ZFP1: variants seen among roughly 807,000 people sequenced by gnomAD.
ZFP1 encodes the protein ZFP1 zinc finger protein.
A neutral mutation model predicts 38.5 loss-of-function variants in ZFP1; 32 were observed. The ratio of observed to expected loss-of-function variants is 0.83; its 90% CI spans 0.63 to 1.12. ZFP1 has a LOEUF of 1.12. Ranked by LOEUF, ZFP1 falls within the 50% of genes most tolerant of loss-of-function variation. ZFP1 has a pLI of 0.00. For synonymous variants in ZFP1, 245 were observed against 168.8 expected, an observed-to-expected ratio of 1.45 and a Z score of -3.50; for missense variants, 616 against 480.8, an observed-to-expected ratio of 1.28 and a Z score of -2.63.
chr16:75,137,784 G>A, the ZFP1 span, among the ~76,000 whole-genome samples: 191 of 152,018 alleles, frequency 1.3e-3, no homozygotes, highest in African/African-American at 3.7e-3. Context: ...TTCCTTTAAT[G>A]AGCTGCATGC....
intron 1 of ZFP1, among the ~76,000 whole-genome samples, chr16:75,151,220 C>G (rs1047307452): frequency 4.6e-5 from 7 of 151,462 alleles, no homozygotes; most frequent in Non-Finnish European, 1.0e-4. Context: ...ACTGATCATC[C>G]TTTTACTTTG....
intron 2 of ZFP1, among the ~76,000 whole-genome samples, chr16:75,158,339 T>C (rs1350441540): frequency 2.8e-4 from 42 of 148,822 alleles, no homozygotes; most frequent in Non-Finnish European, 3.0e-4. Flanking sequence ...TGTCTATTTT[T>C]TTTTTTTTTT....
At chr16:75,127,413 A>G in the ZFP1 span, among the ~76,000 whole-genome samples, 1 of 152,116 alleles carries the variant, frequency 6.6e-6, no homozygotes, top group South Asian at 2.1e-4. Flanking sequence ...AAGCATGAGC[A>G]TGAAGAGGGA....
chr16:75,140,151 C>G, the ZFP1 span, among the ~76,000 whole-genome samples: 48,239 of 151,802 alleles, frequency 0.32, 7,876 homozygotes, highest in Non-Finnish European at 0.34. Flanking sequence ...TCCTGTAATC[C>G]CAGCTACTCA....
At chr16:75,135,589 C>A in the ZFP1 span, among the ~76,000 whole-genome samples, 3 of 152,080 alleles carry the variant, frequency 2.0e-5, no homozygotes, top group African/African-American at 7.2e-5. Flanking sequence ...GTCTGGGCAA[C>A]AGAGTGAGAC....
At chr16:75,142,149 A>C in the ZFP1 span, among the ~76,000 whole-genome samples, 2 of 150,962 alleles carry the variant, frequency 1.3e-5, no homozygotes, top group East Asian at 3.9e-4. Context: ...CAAGGTCAAG[A>C]GATCGACACC....
the ZFP1 span, among the ~76,000 whole-genome samples, chr16:75,123,856 C>T: frequency 2.0e-5 from 3 of 151,644 alleles, no homozygotes; most frequent in Non-Finnish European, 4.4e-5. Context: ...CTTTAGGAGG[C>T]CAAGGAGGAT....
At chr16:75,126,908 A>T in the ZFP1 span, among the ~76,000 whole-genome samples, 1 of 152,228 alleles carries the variant, frequency 6.6e-6, no homozygotes, top group Admixed American at 6.5e-5. Context: ...ATTATACAGG[A>T]AGCATTGTCA....
chr16:75,168,258 C>G (rs1230239393), intron 3 of ZFP1, among the ~76,000 whole-genome samples: 3 of 152,188 alleles, frequency 2.0e-5, no homozygotes, highest in South Asian at 4.1e-4. Flanking sequence ...TAAATTCCCA[C>G]CAACAGTGTA....
At position 75,169,754 on chromosome 16, in the gene ZFP1, A is replaced by C. The variant is rs1343986384; in HGVS notation, c.644A>C (p.Asn215Thr). ...ACTGGAGAAAAGCCATATGAATGCA[A>C]TGTATGTAAGAAAACCTTCTCCCAT... Reference protein sequence around the residue: ...IHTGEKPYECNVCKKTFSHKA... With the variant: ...IHTGEKPYECTVCKKTFSHKA... The change falls in exon 4 of 4, where the codon AAT (asparagine) becomes ACT (threonine). Residue 215 changes from asparagine to threonine, a missense_variant. Physicochemically the swap from Asn to Thr is moderately conservative, Grantham distance 65. Transcript: ENST00000570010. The C allele has an allele frequency of 7.4e-6, 12 of 1,613,318 alleles. No homozygotes were observed. The highest frequency in any genetic ancestry group is 9.3e-6 in the Non-Finnish European group (11 of 1,179,766).
chr16:75,119,175 T>G, the ZFP1 span, among the ~76,000 whole-genome samples: 1 of 152,176 alleles, frequency 6.6e-6, no homozygotes, highest in Non-Finnish European at 1.5e-5. Context: ...AACTGAGACC[T>G]TTCTCAGATT....
intron 2 of ZFP1, among the ~76,000 whole-genome samples, chr16:75,155,387 C>T (rs1229602084): frequency 1.3e-5 from 2 of 152,214 alleles, no homozygotes; most frequent in African/African-American, 4.8e-5. Flanking sequence ...ATGTCCACCT[C>T]AGTCTCCTAA....
the ZFP1 span, among the ~76,000 whole-genome samples, chr16:75,124,659 C>A: frequency 6.7e-6 from 1 of 149,918 alleles, no homozygotes; most frequent in Non-Finnish European, 1.5e-5. Flanking sequence ...TGGCGGCAGG[C>A]GCCTGTAGTC....
chr16:75,165,615 G>A (rs113991191), intron 2 of ZFP1, among the ~76,000 whole-genome samples: 3 of 152,032 alleles, frequency 2.0e-5, no homozygotes, highest in African/African-American at 4.8e-5. Flanking sequence ...GGTTGGTCCC[G>A]AACACCTGTG....
upstream of ZFP1, among the ~76,000 whole-genome samples, chr16:75,146,553 T>C (rs2036947175): frequency 2.0e-5 from 3 of 152,202 alleles, no homozygotes; most frequent in South Asian, 6.2e-4. Context: ...TTATTCATAG[T>C]TGCCAAAACT....
upstream of ZFP1, among the ~76,000 whole-genome samples, chr16:75,147,787 A>G (rs982748056): frequency 6.6e-6 from 1 of 152,152 alleles, no homozygotes; most frequent in Non-Finnish European, 1.5e-5. Context: ...AAATGGGAAG[A>G]TGGTGGTCAA....
chr16:75,119,847 A>C, the ZFP1 span, among the ~76,000 whole-genome samples: 1 of 151,738 alleles, frequency 6.6e-6, no homozygotes, highest in African/African-American at 2.4e-5. Context: ...GGCTAAATTC[A>C]CACACACACA....
chr16:75,135,208 T>TAAAAAAAAAAAAAA, the ZFP1 span, among the ~76,000 whole-genome samples: 1 of 1,558 alleles, frequency 6.4e-4, no homozygotes, highest in Non-Finnish European at 1.3e-3. Context: ...AGACCTTATC[T>TAAAAAAAAAAAAAA]CAAAAAAAAA....
the ZFP1 span, among the ~76,000 whole-genome samples, chr16:75,136,862 C>A: frequency 4.6e-5 from 7 of 150,854 alleles, no homozygotes; most frequent in African/African-American, 1.7e-4. Flanking sequence ...CAGAGCAAGA[C>A]CCTGTCTCAA....
Sources: gnomAD v4.1 joint callset for allele counts (sites outside exome capture counted in the v4.1 genomes callset) on GRCh38, gnomAD v4.1.1 for gene constraint, MANE v1.5 for transcripts, NCBI Gene and HGNC (gene_info 2026-07-23, HGNC 2026-07-21) for gene names.